GMDS: variants seen among roughly 807,000 people sequenced by gnomAD.
The protein encoded by GMDS is GDP-mannose 4,6-dehydratase.
GMDS carries 20 observed loss-of-function variants against 49.9 expected under a neutral mutation model. The observed-to-expected ratio is 0.40, with a 90% CI of 0.28 to 0.58. The LOEUF is 0.58. Ranked by LOEUF, GMDS falls within the 20% of genes least tolerant of loss-of-function variation. GMDS has a pLI of 0.42. For synonymous variants in GMDS, 177 were observed against 178.6 expected (o/e 0.99, Z 0.07); for missense variants, 362 against 481.4 (o/e 0.75, Z 2.32).
In GMDS at chr6:2,152,722, T is replaced by C. The variant is rs530360081; in HGVS notation, c.103-27991A>G. On this transcript the variant is annotated intron_variant, in intron 1 of 10. Transcript: ENST00000380815. ...TAATTAAACAACAAGTTACAAAAAT[T>C]TGGACAGGTGACAAAATTATATGTT... Among the ~76,000 whole-genome samples the C allele has an allele frequency of 5.0e-4, 76 of 152,194 alleles. 1 individual carries two copies. Among genetic ancestry groups the C allele is most frequent in the African/African-American group, 1.7e-3 (69 of 41,530 alleles).
chr6:2,008,333 TG>T (rs1767328102), intron 4 of GMDS, among the ~76,000 whole-genome samples: 1 of 152,214 alleles, frequency 6.6e-6, no homozygotes, highest in South Asian at 2.1e-4. Context: ...ACAAAATATA[TG>T]GCTTTGATTT....
intron 4 of GMDS, among the ~76,000 whole-genome samples, chr6:2,057,178 C>T (rs1770827929): frequency 1.3e-5 from 2 of 152,172 alleles, no homozygotes; most frequent in African/African-American, 4.8e-5. Flanking sequence ...AGGACATCAT[C>T]CCTCTCTCAA....
At chr6:1,711,868 T>C (rs1042303549) in intron 9 of GMDS, among the ~76,000 whole-genome samples, 9 of 152,180 alleles carry the variant, frequency 5.9e-5, no homozygotes, top group Non-Finnish European at 1.3e-4. Context: ...TCTGGCATAG[T>C]GAAGGCCCCA....
intron 7 of GMDS, among the ~76,000 whole-genome samples, chr6:1,754,816 T>A (rs1767878251): frequency 6.6e-6 from 1 of 152,156 alleles, no homozygotes; most frequent in Non-Finnish European, 1.5e-5. Flanking sequence ...GGGCCTTCGA[T>A]AAAAATCAAC....
intron 9 of GMDS, among the ~76,000 whole-genome samples, chr6:1,627,501 T>C (rs141423130): frequency 1.3e-5 from 2 of 152,330 alleles, no homozygotes; most frequent in East Asian, 3.9e-4. Flanking sequence ...GCGTGGGCCA[T>C]GATACACGTC....
chr6:1,825,990 T>C (rs755311334), intron 7 of GMDS, among the ~76,000 whole-genome samples: 1 of 152,172 alleles, frequency 6.6e-6, no homozygotes, highest in Non-Finnish European at 1.5e-5. Context: ...TACTCCAGCC[T>C]GGGCGACAGA....
intron 4 of GMDS, among the ~76,000 whole-genome samples, chr6:2,078,489 A>C (rs145231227): frequency 6.6e-6 from 1 of 152,182 alleles, no homozygotes; most frequent in East Asian, 1.9e-4. Context: ...CGTTTCAAGA[A>C]ATTTTTTAAC....
chr6:2,064,609 C>T lies in GMDS; in HGVS notation c.345+51162G>A, dbSNP rs551632118. ...TACAATTTCTTCTATATTACCCATG[C>T]CCCTTCATCCCACTCTGGCCAAGTC... is the stretch of plus-strand genomic sequence containing the variant. On this transcript the variant is annotated intron_variant, in intron 4 of 10. Transcript: ENST00000380815. Among the ~76,000 whole-genome samples the T allele has an allele frequency of 6.6e-5, 10 of 152,264 alleles. No homozygotes were observed. In the East Asian group the frequency reaches 1.7e-3, roughly 26 times the overall value.
intron 1 of GMDS, among the ~76,000 whole-genome samples, chr6:2,225,165 C>CA (rs1188506396): frequency 0.026 from 3,106 of 119,732 alleles, 83 homozygotes; most frequent in African/African-American, 0.075. Flanking sequence ...ATAAAAAATA[C>CA]AAAAAAAAAA....
At chr6:1,822,445 GA>G (rs377120256) in intron 7 of GMDS, among the ~76,000 whole-genome samples, 3 of 151,860 alleles carry the variant, frequency 2.0e-5, no homozygotes, top group Non-Finnish European at 2.9e-5. Context: ...GAAAAAGAGG[GA>G]AAAAAATACA....
At chr6:1,790,001 G>A (rs761136867) in intron 7 of GMDS, among the ~76,000 whole-genome samples, 10 of 151,918 alleles carry the variant, frequency 6.6e-5, no homozygotes, top group Non-Finnish European at 1.5e-4. Context: ...TCCCCATCTC[G>A]TATTCATAAA....
intron 4 of GMDS, among the ~76,000 whole-genome samples, chr6:2,012,297 T>C (rs565198625): frequency 6.6e-6 from 1 of 152,244 alleles, no homozygotes; most frequent in South Asian, 2.1e-4. Context: ...GTAATCTAAT[T>C]AGATGAATAA....
At chr6:2,009,904 C>A (rs775896806) in intron 4 of GMDS, among the ~76,000 whole-genome samples, 2 of 152,120 alleles carry the variant, frequency 1.3e-5, no homozygotes, top group Admixed American at 6.6e-5. Context: ...AGTGGTCTAA[C>A]ATGCTATTGA....
At chr6:2,049,061 G>T (rs1191802898) in intron 4 of GMDS, among the ~76,000 whole-genome samples, 2 of 152,282 alleles carry the variant, frequency 1.3e-5, no homozygotes, top group Middle Eastern at 6.8e-3. Context: ...GACACGACAA[G>T]GAAGGAAGCG....
At chr6:1,759,924 G>T (rs1768095820) in intron 7 of GMDS, among the ~76,000 whole-genome samples, 1 of 151,724 alleles carries the variant, frequency 6.6e-6, no homozygotes. Context: ...ACACCCTTCG[G>T]TTTCCATGGA....
chr6:1,769,973 G>A (rs1387108468), intron 7 of GMDS, among the ~76,000 whole-genome samples: 4 of 152,144 alleles, frequency 2.6e-5, no homozygotes, highest in African/African-American at 9.7e-5. Flanking sequence ...GTGACCACCC[G>A]CCTCGGCCTC....
intron 9 of GMDS, among the ~76,000 whole-genome samples, chr6:1,684,691 C>T (rs1337728150): frequency 6.6e-6 from 1 of 152,060 alleles, no homozygotes. Flanking sequence ...GCAGGAGGAG[C>T]GAGCTTTTTG....
intron 7 of GMDS, among the ~76,000 whole-genome samples, chr6:1,899,744 T>C (rs1235510788): frequency 6.6e-6 from 1 of 152,168 alleles, no homozygotes; most frequent in Non-Finnish European, 1.5e-5. Context: ...AATTTGGCAG[T>C]GAAGGAGTAG....
intron 1 of GMDS, among the ~76,000 whole-genome samples, chr6:2,151,532 TA>T (rs1776844718): frequency 6.6e-6 from 1 of 152,078 alleles, no homozygotes; most frequent in African/African-American, 2.4e-5. Flanking sequence ...GCCAGGAAGG[TA>T]AATTCTTGTA....
Sources: allele counts gnomAD v4.1 joint callset (sites outside exome capture counted in the v4.1 genomes callset), GRCh38; gene constraint gnomAD v4.1.1; transcripts MANE v1.5; gene names NCBI Gene and HGNC (gene_info 2026-07-23, HGNC 2026-07-21).